The following BMPER variants were observed in gnomAD, a reference collection of about 807,000 sequenced individuals.
BMPER encodes BMP-binding endothelial regulator protein.
A neutral mutation model predicts 87.3 loss-of-function variants in BMPER; 45 were observed. That is an observed-to-expected ratio of 0.52 (90% CI 0.41 to 0.66). The LOEUF is 0.66. Among genes scored for constraint, BMPER ranks in the 30% least tolerant of loss-of-function variants. BMPER has a pLI of 0.00. For missense variants in BMPER, 784 were observed against 867.5 expected (o/e 0.90, Z 1.21); for synonymous variants, 326 against 316.2 (o/e 1.03, Z -0.33).
chr7:34,139,216 A>T (rs1229800717), intron 13 of BMPER, among the ~76,000 whole-genome samples: 2 of 152,218 alleles, frequency 1.3e-5, no homozygotes, highest in Non-Finnish European at 2.9e-5. Context: ...TTCCACCACC[A>T]CATTAGTAGA....
At chr7:34,017,759 G>C (rs751531476) in intron 6 of BMPER, among the ~76,000 whole-genome samples, 1 of 151,850 alleles carries the variant, frequency 6.6e-6, no homozygotes, top group Non-Finnish European at 1.5e-5. Flanking sequence ...ACACTTCAAG[G>C]AGTTCCCAAG....
In BMPER at chr7:34,055,248, T is replaced by C. The variant is rs752981569; in HGVS notation, c.872T>C (p.Leu291Pro). Residue 291 changes from leucine to proline, a missense_variant, in exon 9 of 15, where the codon CTA becomes CCA. By Grantham distance (98) the Leu-to-Pro change is moderately conservative. Coordinates refer to ENST00000649409, the MANE Select transcript of BMPER (RefSeq NM_001365308.1). ...GQEGCCEECLLRVPPEDIKVC... is the reference protein window; with the variant it reads ...GQEGCCEECLPRVPPEDIKVC... ...GAGGGCTGTTGTGAAGAGTGCCTCC[T>C]ACGAGTGCCCCCAGAAGACATCAAA... 8 of 1,614,180 alleles carry C rather than the reference T, an allele frequency of 5.0e-6. No individual in the cohort carries two copies. Among genetic ancestry groups the C allele is most frequent in the Non-Finnish European group, 6.8e-6 (8 of 1,180,028 alleles).
chr7:33,993,874 A>G (rs1425749577), intron 6 of BMPER, among the ~76,000 whole-genome samples: 1 of 151,892 alleles, frequency 6.6e-6, no homozygotes, highest in Non-Finnish European at 1.5e-5. Flanking sequence ...TTGGAGTACC[A>G]TGCAGTGTGA....
intron 7 of BMPER, among the ~76,000 whole-genome samples, chr7:34,050,669 A>G (rs755696458): frequency 2.0e-5 from 3 of 152,244 alleles, no homozygotes; most frequent in South Asian, 2.1e-4. Context: ...ATCAGTGAAC[A>G]TGAATTAACT....
chr7:33,953,261 G>C lies in BMPER; in HGVS notation c.320-13218G>C, dbSNP rs114523026. ...GGAGCTGAAGGCAAAAGCCTGGCCT[G>C]GTTAATATATTCAGACATCTAGACA... On this transcript the variant is annotated intron_variant, in intron 3 of 14. Transcript: ENST00000649409. Among the ~76,000 whole-genome samples, 809 of 152,310 alleles carry C rather than the reference G, an allele frequency of 5.3e-3. 6 individuals carry two copies. The highest frequency in any genetic ancestry group is 0.019 in the African/African-American group (769 of 41,566).
chr7:34,139,958 T>C (rs1790820894), intron 13 of BMPER, among the ~76,000 whole-genome samples: 1 of 152,204 alleles, frequency 6.6e-6, no homozygotes, highest in Non-Finnish European at 1.5e-5. Flanking sequence ...GTGTAAAATT[T>C]TCATCAGAGA....
At chr7:34,136,749 A>C (rs1402752928) in intron 13 of BMPER, among the ~76,000 whole-genome samples, 2 of 152,348 alleles carry the variant, frequency 1.3e-5, no homozygotes, top group Admixed American at 1.3e-4. Context: ...GCTGACCTTC[A>C]GATTGACAAA....
intron 6 of BMPER, among the ~76,000 whole-genome samples, chr7:33,985,222 T>A (rs1254264712): frequency 3.9e-5 from 6 of 152,252 alleles, no homozygotes; most frequent in Non-Finnish European, 8.8e-5. Flanking sequence ...ACTGTTAATA[T>A]GATTTGATAT....
intron 11 of BMPER, among the ~76,000 whole-genome samples, chr7:34,077,595 A>G (rs911411900): frequency 2.6e-5 from 4 of 152,240 alleles, no homozygotes; most frequent in African/African-American, 9.6e-5. Flanking sequence ...AGAACAAGAA[A>G]TTAATTTATT....
chr7:34,060,122 T>C (rs1346622210), intron 10 of BMPER, among the ~76,000 whole-genome samples: 2 of 152,206 alleles, frequency 1.3e-5, no homozygotes, highest in Non-Finnish European at 2.9e-5. Flanking sequence ...GACCAGAGTC[T>C]TACGGCTAAT....
intron 13 of BMPER, among the ~76,000 whole-genome samples, chr7:34,100,001 G>A (rs1481077623): frequency 1.3e-5 from 2 of 151,916 alleles, no homozygotes; most frequent in Non-Finnish European, 2.9e-5. Flanking sequence ...TCTCTGCCTG[G>A]GGTGCAGGTC....
chr7:33,905,631 C>T lies in BMPER; in HGVS notation c.18C>T (p.Gly6=). MLWFS[G]VGALAERYCR... is the part of the protein sequence containing the mutation. ...AGGTGACGATGCTCTGGTTCTCCGG[C>T]GTCGGGGCTCTGGCTGAGCGTTACT... is the stretch of plus-strand genomic sequence containing the variant. Residue 6 remains glycine (G), a synonymous_variant, in exon 1 of 15, where the codon GGC becomes GGT. Coordinates refer to ENST00000649409, the MANE Select transcript of BMPER (RefSeq NM_001365308.1). The T allele has an allele frequency of 6.2e-7, 1 of 1,612,934 alleles. No homozygotes were observed. The highest frequency in any genetic ancestry group is 1.1e-5 in the South Asian group (1 of 91,044).
chr7:33,934,517 CAAAAAAAAA>C (rs11340819), intron 2 of BMPER, among the ~76,000 whole-genome samples: 3 of 59,328 alleles, frequency 5.1e-5, no homozygotes, highest in African/African-American at 1.0e-4. Context: ...TGTGTGTGTA[CAAAAAAAAA>C]AAAAAAAAAA....
chr7:33,940,898 A>G (rs1205923507), intron 3 of BMPER, among the ~76,000 whole-genome samples: 1 of 136,502 alleles, frequency 7.3e-6, no homozygotes, highest in Non-Finnish European at 1.5e-5. Context: ...AATAGAATTT[A>G]TATATATTAC....
chr7:33,977,956 C>T lies in BMPER; in HGVS notation c.576+3172C>T, dbSNP rs149530886. Among the ~76,000 whole-genome samples, 603 of 152,094 alleles carry T rather than the reference C, an allele frequency of 4.0e-3. 3 individuals are homozygous for T. Among genetic ancestry groups the T allele is most frequent in the South Asian group, 0.017 (83 of 4,814 alleles). On this transcript the variant is annotated intron_variant, in intron 6 of 14. Transcript: ENST00000649409. ...TACAGAAGGCTCTGGCAGAAGAGTG[C>T]GGAGGGGAGACAAGGATGAAGAAGC...
chr7:34,053,360 T>A (rs1180194642), intron 8 of BMPER, among the ~76,000 whole-genome samples: 1 of 152,202 alleles, frequency 6.6e-6, no homozygotes, highest in Non-Finnish European at 1.5e-5. Flanking sequence ...CCAGTGTTTC[T>A]TATGATTTCC....
intron 7 of BMPER, among the ~76,000 whole-genome samples, chr7:34,048,976 A>C (rs1788068016): frequency 6.6e-6 from 1 of 152,218 alleles, no homozygotes; most frequent in African/African-American, 2.4e-5. Flanking sequence ...GAGACAAAAA[A>C]GCAAACAAAC....
rs188607392 is a variant in BMPER, at chr7:34,058,642, G to C, written c.1032+479G>C. 4.9e-3 allele frequency among the ~76,000 whole-genome samples: 749 copies of C among 152,212 alleles called. 19 individuals are homozygous for C. Among genetic ancestry groups the C allele is most frequent in the Admixed American group, 0.043 (650 of 15,290 alleles). On this transcript the variant is annotated intron_variant, in intron 10 of 14. Transcript: ENST00000649409. ...GCTGAAGTTTTCTCTCTCTAATCCT[G>C]GCCTCCATTGTAGCCCCAAATGGAA...
At chr7:34,120,966 A>G (rs975239828) in intron 13 of BMPER, among the ~76,000 whole-genome samples, 1 of 151,964 alleles carries the variant, frequency 6.6e-6, no homozygotes, top group Admixed American at 6.6e-5. Context: ...TGGAAAAATT[A>G]TGTTATTTAA....
Sources: gnomAD v4.1 joint callset for allele counts (sites outside exome capture counted in the v4.1 genomes callset) on GRCh38, gnomAD v4.1.1 for gene constraint, MANE v1.5 for transcripts, NCBI Gene and HGNC (gene_info 2026-07-23, HGNC 2026-07-21) for gene names.